Variants in DLGAP2 observed in about 807,000 individuals in gnomAD.
DLGAP2 encodes the protein disks large-associated protein 2.
In DLGAP2, 26 loss-of-function variants were observed where a neutral mutation model predicts 100.3. The observed-to-expected ratio is 0.26, with a 90% confidence interval of 0.19 to 0.36. The LOEUF is 0.36. Among genes scored for constraint, DLGAP2 ranks in the 10% least tolerant of loss-of-function variants. The probability of loss-of-function intolerance (pLI) is 1.00; values close to 1 mark genes in which losing one functional copy is unlikely to be tolerated. For missense variants in DLGAP2, 1,858 were observed against 1,453.2 expected (o/e 1.28, Z -4.53); for synonymous variants, 886 against 630.1 (o/e 1.41, Z -6.08).
Position 1,495,540 on chromosome 8 carries a change from C to T in DLGAP2, c.107-5826C>T, listed in dbSNP as rs549282689. On this transcript the variant is annotated intron_variant, in intron 3 of 14. Coordinates refer to ENST00000637795, the MANE Select transcript of DLGAP2 (RefSeq NM_001346810.2). ...TGGGTGAGCCAGGACTGCGCTGGCC[C>T]GGCGAGGTCGGTGTGCTGAGACCAC... Among the ~76,000 whole-genome samples the T allele has an allele frequency of 5.3e-5, 8 of 152,284 alleles. No homozygotes were observed. In the South Asian group the frequency reaches 8.3e-4, roughly 16 times the overall value.
At chr8:1,416,807 C>T (rs528696829) in intron 3 of DLGAP2, among the ~76,000 whole-genome samples, 4 of 152,324 alleles carry the variant, frequency 2.6e-5, no homozygotes, top group South Asian at 2.1e-4. Flanking sequence ...GCACCCGTGC[C>T]GGCCTCCTTT....
intron 4 of DLGAP2, among the ~76,000 whole-genome samples, chr8:1,516,087 G>A (rs1167206773): frequency 6.6e-6 from 1 of 152,080 alleles, no homozygotes; most frequent in Non-Finnish European, 1.5e-5. Context: ...ATGAATGAGT[G>A]CATGAATGAG....
chr8:953,359 AATTTTTGT>A (rs1174024522), intron 2 of DLGAP2, among the ~76,000 whole-genome samples: 1 of 151,978 alleles, frequency 6.6e-6, no homozygotes, highest in Admixed American at 6.6e-5. Flanking sequence ...ACGCCCGGCT[AATTTTTGT>A]ATTTTTAGCA....
rs899045516 is a variant in DLGAP2 at position 1,092,480 on chromosome 8, T to C, written c.74-166371T>C. On this transcript the variant is annotated intron_variant, in intron 2 of 14. Coordinates refer to ENST00000637795, the MANE Select transcript of DLGAP2 (RefSeq NM_001346810.2). ...TTGCCCCGTGGTTCCTGCAGAGGAT[T>C]TCAGGGGTAGGCATGCAGGGAGCAT... Among the ~76,000 whole-genome samples the C allele has an allele frequency of 2.0e-5, 3 of 152,140 alleles. No individual in the cohort carries two copies. The East Asian group carries it at 5.8e-4, about 29-fold the overall frequency.
chr8:1,133,733 A>C (rs548073685), intron 2 of DLGAP2, among the ~76,000 whole-genome samples: 14 of 152,354 alleles, frequency 9.2e-5, no homozygotes, highest in African/African-American at 3.1e-4. Context: ...AATTAAGAGT[A>C]ATCTAAAACC....
intron 4 of DLGAP2, among the ~76,000 whole-genome samples, chr8:1,511,702 C>G (rs10113318): frequency 0.14 from 20,696 of 148,752 alleles, 1,374 homozygotes; most frequent in Non-Finnish European, 0.16. Flanking sequence ...GACCATCTTC[C>G]ATGGACGTAA....
intron 2 of DLGAP2, among the ~76,000 whole-genome samples, chr8:1,238,742 G>A (rs1323153439): frequency 3.7e-5 from 3 of 80,734 alleles, no homozygotes; most frequent in Non-Finnish European, 7.7e-5. Context: ...ATGGCGCCAT[G>A]TCTAGTTCTC....
chr8:1,695,118 C>T (rs975593647), intron 13 of DLGAP2, among the ~76,000 whole-genome samples: 20 of 152,330 alleles, frequency 1.3e-4, no homozygotes, highest in Admixed American at 2.6e-4. Context: ...TCCTTCATCC[C>T]CCAGGAGATG....
intron 6 of DLGAP2, among the ~76,000 whole-genome samples, chr8:1,613,824 C>T (rs1219754361): frequency 1.3e-5 from 2 of 152,164 alleles, no homozygotes; most frequent in African/African-American, 4.8e-5. Context: ...ACACTGGCCT[C>T]CTCTGTATTC....
intron 3 of DLGAP2, among the ~76,000 whole-genome samples, chr8:1,480,865 TA>T (rs370921329): frequency 0.038 from 5,170 of 135,052 alleles, 309 homozygotes; most frequent in African/African-American, 0.13. Context: ...AAACTCCATA[TA>T]AAAAAAAAAG....
At position 1,682,751 on chromosome 8, in the gene DLGAP2, G is replaced by A. The variant is rs556264692; in HGVS notation, c.2704+4122G>A. Among the ~76,000 whole-genome samples, 171 of 151,574 alleles carry A rather than the reference G, an allele frequency of 1.1e-3. 6 individuals are homozygous for A. The South Asian group carries it at 0.016, about 15-fold the overall frequency. On this transcript the variant is annotated intron_variant, in intron 12 of 14. Coordinates refer to ENST00000637795, the MANE Select transcript of DLGAP2 (RefSeq NM_001346810.2). ...GCCCTTGCAAAGTGCTAGGATTACAGGTATGAACCACCATGCCCAGCCAGG... is the reference window on the plus strand; with the variant it reads ...GCCCTTGCAAAGTGCTAGGATTACAAGTATGAACCACCATGCCCAGCCAGG...
intron 2 of DLGAP2, among the ~76,000 whole-genome samples, chr8:1,078,338 A>G (rs1803692422): frequency 6.6e-6 from 1 of 152,122 alleles, no homozygotes; most frequent in Non-Finnish European, 1.5e-5. Flanking sequence ...CCTGTATTCC[A>G]TTTCTCTGCT....
intron 2 of DLGAP2, among the ~76,000 whole-genome samples, chr8:1,166,964 T>C (rs1797028607): frequency 6.6e-6 from 1 of 152,080 alleles, no homozygotes. Flanking sequence ...AGGCAACATC[T>C]CTGCAAAAAA....
intron 1 of DLGAP2, among the ~76,000 whole-genome samples, chr8:785,115 G>T (rs1371484468): frequency 1.3e-5 from 2 of 151,170 alleles, no homozygotes; most frequent in Admixed American, 1.3e-4. Flanking sequence ...TACTAGGGAG[G>T]CTGAGGCAGG....
chr8:1,616,882 C>T (rs1425985883), intron 6 of DLGAP2, among the ~76,000 whole-genome samples: 1 of 152,082 alleles, frequency 6.6e-6, no homozygotes, highest in Non-Finnish European at 1.5e-5. Context: ...CTGATCCTCT[C>T]CCTCCTTCTA....
intron 2 of DLGAP2, among the ~76,000 whole-genome samples, chr8:1,149,416 G>A (rs1796661247): frequency 6.6e-6 from 1 of 152,000 alleles, no homozygotes; most frequent in Non-Finnish European, 1.5e-5. Flanking sequence ...CAAAGTGCTG[G>A]GATTACAGGC....
intron 1 of DLGAP2, among the ~76,000 whole-genome samples, chr8:804,186 A>G (rs1796223522): frequency 6.6e-6 from 1 of 152,230 alleles, no homozygotes; most frequent in South Asian, 2.1e-4. Context: ...GTTTAATAAT[A>G]GATTATTATG....
intron 10 of DLGAP2, among the ~76,000 whole-genome samples, chr8:1,675,720 A>T (rs1798795990): frequency 6.6e-6 from 1 of 152,180 alleles, no homozygotes; most frequent in African/African-American, 2.4e-5. Context: ...AGTCCTTTTG[A>T]TACAATAGGT....
intron 2 of DLGAP2, among the ~76,000 whole-genome samples, chr8:1,182,898 C>T (rs990702266): frequency 6.6e-6 from 1 of 152,158 alleles, no homozygotes; most frequent in African/African-American, 2.4e-5. Flanking sequence ...CTCAGGGGCA[C>T]TCAGGATGCA....
Sources: allele counts gnomAD v4.1 joint callset (sites outside exome capture counted in the v4.1 genomes callset), GRCh38; gene constraint gnomAD v4.1.1; transcripts MANE v1.5; gene names NCBI Gene and HGNC (gene_info 2026-07-23, HGNC 2026-07-21).